The following SCHIP1 variants were observed in gnomAD, a reference collection of about 807,000 sequenced individuals.
SCHIP1 encodes the protein schwannomin-interacting protein 1.
Under a neutral mutation model 29.7 loss-of-function variants are expected in SCHIP1, and 8 were observed. The observed-to-expected ratio is 0.27, with a 90% confidence interval of 0.16 to 0.49. The LOEUF (loss-of-function observed/expected upper bound fraction) is 0.49, where lower values mean the gene tolerates loss of function less well. SCHIP1 is among the 20% of genes least tolerant of loss of function. The pLI is 0.99. For synonymous variants in SCHIP1, 76 were observed against 94.9 expected, an observed-to-expected ratio of 0.80 and a Z score of 1.16; for missense variants, 193 against 294.6, an observed-to-expected ratio of 0.66 and a Z score of 2.52.
At chr3:159,625,719 G>C in the SCHIP1 span, among the ~76,000 whole-genome samples, 1 of 151,950 alleles carries the variant, frequency 6.6e-6, no homozygotes, top group Non-Finnish European at 1.5e-5. Flanking sequence ...CCAACCCACA[G>C]CTTCTCCAAA....
At chr3:159,751,219 A>T in the SCHIP1 span, among the ~76,000 whole-genome samples, 1 of 152,174 alleles carries the variant, frequency 6.6e-6, no homozygotes, top group African/African-American at 2.4e-5. Flanking sequence ...CTATCCTGTC[A>T]TTTACTCTTT....
At chr3:159,507,369 G>A in the SCHIP1 span, among the ~76,000 whole-genome samples, 1 of 152,192 alleles carries the variant, frequency 6.6e-6, no homozygotes, top group Non-Finnish European at 1.5e-5. Flanking sequence ...ATTTTGCGCT[G>A]AGTCGATGGG....
chr3:159,771,696 T>G, the SCHIP1 span, among the ~76,000 whole-genome samples: 3 of 151,418 alleles, frequency 2.0e-5, no homozygotes, highest in Non-Finnish European at 4.4e-5. Context: ...TTTGTTGTTT[T>G]TTTTTTTTTT....
chr3:159,506,103 C>G, the SCHIP1 span, among the ~76,000 whole-genome samples: 87 of 152,294 alleles, frequency 5.7e-4, 1 homozygote, highest in African/African-American at 2.1e-3. Context: ...AAAAGTGTTC[C>G]TATTTCTCCA....
At chr3:159,871,929 T>C (rs2109309011) in intron 2 of SCHIP1, among the ~76,000 whole-genome samples, 1 of 152,234 alleles carries the variant, frequency 6.6e-6, no homozygotes, top group South Asian at 2.1e-4. Context: ...ATCTTTGTGT[T>C]CGGTCCTACT....
At chr3:159,794,703 A>C in the SCHIP1 span, among the ~76,000 whole-genome samples, 4 of 152,164 alleles carry the variant, frequency 2.6e-5, no homozygotes, top group Non-Finnish European at 5.9e-5. Flanking sequence ...AGGGGTCCAC[A>C]GGCTTCCCCA....
the SCHIP1 span, among the ~76,000 whole-genome samples, chr3:159,640,189 TAAC>T: frequency 1.3e-5 from 2 of 152,140 alleles, no homozygotes; most frequent in African/African-American, 4.8e-5. Context: ...AATATAACAG[TAAC>T]AACAAAAAGT....
chr3:159,886,559 A>T, intron 3 of SCHIP1: 1 of 379,088 alleles, frequency 2.6e-6, no homozygotes, highest in Non-Finnish European at 4.8e-6. Flanking sequence ...CCATTAGAGA[A>T]ATCACCAGCC....
chr3:159,651,106 C>T, the SCHIP1 span, among the ~76,000 whole-genome samples: 1 of 152,154 alleles, frequency 6.6e-6, no homozygotes, highest in Non-Finnish European at 1.5e-5. Context: ...ATATCCTAAG[C>T]ATTACATAAG....
chr3:159,659,262 C>T, the SCHIP1 span, among the ~76,000 whole-genome samples: 1 of 152,122 alleles, frequency 6.6e-6, no homozygotes, highest in Non-Finnish European at 1.5e-5. Context: ...GTTTCAGGAC[C>T]CTTCATGCTG....
chr3:159,758,128 A>G, the SCHIP1 span, among the ~76,000 whole-genome samples: 1 of 152,186 alleles, frequency 6.6e-6, no homozygotes, highest in Admixed American at 6.5e-5. Flanking sequence ...AAGCTCAAAA[A>G]GTAAGTTCAG....
chr3:159,428,492 T>A, the SCHIP1 span, among the ~76,000 whole-genome samples: 573 of 152,230 alleles, frequency 3.8e-3, 1 homozygote, highest in African/African-American at 0.013. Flanking sequence ...AAAACCACAA[T>A]GAGATACCAT....
At chr3:159,672,663 C>A in the SCHIP1 span, among the ~76,000 whole-genome samples, 1 of 152,064 alleles carries the variant, frequency 6.6e-6, no homozygotes, top group Non-Finnish European at 1.5e-5. Flanking sequence ...CAGCCCCTCA[C>A]CTCACAAAAA....
chr3:159,784,631 T>C, the SCHIP1 span, among the ~76,000 whole-genome samples: 110,197 of 152,160 alleles, frequency 0.72, 40,435 homozygotes, highest in East Asian at 0.99. Flanking sequence ...GCTTTAGTTA[T>C]CCTGTAGAAT....
At chr3:159,443,107 C>T in the SCHIP1 span, among the ~76,000 whole-genome samples, 1 of 152,278 alleles carries the variant, frequency 6.6e-6, no homozygotes, top group East Asian at 1.9e-4. Context: ...TTTCCATAAA[C>T]CTGCCACCTC....
At chr3:159,693,346 T>C in the SCHIP1 span, among the ~76,000 whole-genome samples, 74 of 150,940 alleles carry the variant, frequency 4.9e-4, no homozygotes, top group Admixed American at 5.3e-4. Flanking sequence ...TACGCACACA[T>C]ATATATATAT....
chr3:159,409,787 T>C, the SCHIP1 span, among the ~76,000 whole-genome samples: 1 of 152,120 alleles, frequency 6.6e-6, no homozygotes, highest in African/African-American at 2.4e-5. Flanking sequence ...AAGAGAATCT[T>C]AAAATTTATA....
chr3:159,637,421 A>ACACACACACC, the SCHIP1 span, among the ~76,000 whole-genome samples: 3 of 136,472 alleles, frequency 2.2e-5, no homozygotes, highest in African/African-American at 8.6e-5. Context: ...ACACACACAC[A>ACACACACACC]CCTGACTCTT....
chr3:159,556,503 G>A, the SCHIP1 span, among the ~76,000 whole-genome samples: 8 of 151,988 alleles, frequency 5.3e-5, no homozygotes, highest in Non-Finnish European at 7.4e-5. Context: ...CAATAGCAAA[G>A]ACTTGGAACC....
Sources: allele counts gnomAD v4.1 joint callset (sites outside exome capture counted in the v4.1 genomes callset), GRCh38; gene constraint gnomAD v4.1.1; transcripts MANE v1.5; gene names NCBI Gene and HGNC (gene_info 2026-07-23, HGNC 2026-07-21).